CASK: variants seen among roughly 807,000 people sequenced by gnomAD.
The protein encoded by CASK is calcium/calmodulin dependent serine protein kinase, also known as peripheral plasma membrane protein CASK.
Under a neutral mutation model 82.9 loss-of-function variants are expected in CASK, and 4 were observed. The observed-to-expected ratio is 0.05, with a 90% confidence interval of 0.02 to 0.11. CASK has a LOEUF of 0.11. Among genes scored for constraint, CASK ranks in the 10% least tolerant of loss-of-function variants. The pLI is 1.00. For synonymous variants in CASK, 259 were observed against 253.5 expected, an observed-to-expected ratio of 1.02 and a Z score of -0.20; for missense variants, 358 against 720.9, an observed-to-expected ratio of 0.50 and a Z score of 5.76.
intron 13 of CASK, chrX:41,587,759 T>A (rs1337411550): frequency 8.9e-6 from 1 of 112,655 alleles, no homozygotes; most frequent in African/African-American, 3.2e-5. Context: ...GGATGGAGTT[T>A]ACCTGTGTAA....
At chrX:41,821,219 T>G (rs924867218) in intron 2 of CASK, among the ~76,000 whole-genome samples, 2 of 111,741 alleles carry the variant, frequency 1.8e-5, no homozygotes, top group African/African-American at 6.5e-5. Flanking sequence ...TACAAAGAAC[T>G]CCTACAACTT....
chrX:41,799,968 G>A (rs749906729), intron 2 of CASK, among the ~76,000 whole-genome samples: 44 of 108,341 alleles, frequency 4.1e-4, no homozygotes, highest in Non-Finnish European at 6.1e-4. Context: ...CCTATATAGA[G>A]CAAGCGGCAG....
At chrX:41,679,360 C>T (rs2067315965) in intron 5 of CASK, among the ~76,000 whole-genome samples, 1 of 111,559 alleles carries the variant, frequency 9.0e-6, no homozygotes, top group African/African-American at 3.3e-5. Context: ...TTGATAGACA[C>T]AAAACCGTAA....
chrX:41,880,397 C>G (rs2071926441), intron 1 of CASK, among the ~76,000 whole-genome samples: 1 of 111,361 alleles, frequency 9.0e-6, no homozygotes, highest in South Asian at 3.8e-4. Context: ...TCCAAAATAC[C>G]CAGAGACTTG....
At chrX:41,852,961 C>A in intron 2 of CASK, 154 bp downstream of exon 2, 1 of 462,526 alleles carries the variant, frequency 2.2e-6, no homozygotes, top group East Asian at 3.7e-5. Context: ...AGAATTCTGA[C>A]AAACTAGAAT....
Position 41,740,044 on chromosome X carries a change from C to G in CASK, c.357-588G>C, listed in dbSNP as rs1168407969. The stretch of plus-strand genomic sequence containing the variant: ...GCACATGTCCTAGAAAGCCTGACTC[C>G]TTACATGGCCAGCTGAGGAGCCCTC... On this transcript the variant is annotated intron_variant, in intron 4 of 26. Transcript: ENST00000378163. Among the ~76,000 whole-genome samples, 2 of 112,159 alleles carry G rather than the reference C, an allele frequency of 1.8e-5. 1 individual carries two copies. Among genetic ancestry groups the G allele is most frequent in the Non-Finnish European group, 3.8e-5 (2 of 53,250 alleles).
intron 1 of CASK, among the ~76,000 whole-genome samples, chrX:41,909,294 T>C (rs775296244): frequency 6.2e-5 from 7 of 112,295 alleles, no homozygotes; most frequent in South Asian, 7.4e-4. Context: ...TGCCATCTGA[T>C]TGGCCACAAA....
At chrX:41,822,574 A>AAAAAAAAAG (rs1569459803) in intron 2 of CASK, among the ~76,000 whole-genome samples, 2 of 103,530 alleles carry the variant, frequency 1.9e-5, no homozygotes, top group Non-Finnish European at 2.0e-5. Flanking sequence ...AAAAAAAAAA[A>AAAAAAAAAG]AAAAAAAAGA....
chrX:41,799,867 G>T (rs760515155), intron 2 of CASK, among the ~76,000 whole-genome samples: 34 of 105,988 alleles, frequency 3.2e-4, no homozygotes, highest in African/African-American at 1.0e-3. Flanking sequence ...GGGCAGATCC[G>T]CCCCTTGAGA....
intron 5 of CASK, among the ~76,000 whole-genome samples, chrX:41,735,140 G>C (rs924356592): frequency 1.8e-5 from 2 of 111,294 alleles, no homozygotes; most frequent in Non-Finnish European, 3.8e-5. Flanking sequence ...GAGAGAATGA[G>C]AATATTCTTG....
intron 5 of CASK, among the ~76,000 whole-genome samples, 187 bp downstream of exon 5, chrX:41,739,197 G>A (rs887906369): frequency 2.7e-5 from 3 of 111,744 alleles, no homozygotes; most frequent in Non-Finnish European, 5.6e-5. Context: ...TAAATAAATT[G>A]AAATTATAGT....
rs765356088 is a variant in CASK at position 41,830,744 on chromosome X, C to T, written c.172+22371G>A. ...CTGAGGCAGGAGTATGGCGTGAACC[C>T]AGGAGGCGGAGCTTGCAGTGAGCCG... On this transcript the variant is annotated intron_variant, in intron 2 of 26. Transcript: ENST00000378163. Among the ~76,000 whole-genome samples, 112 of 101,312 alleles carry T rather than the reference C, an allele frequency of 1.1e-3. 1 individual carries two copies. Among genetic ancestry groups the T allele is most frequent in the African/African-American group, 3.9e-3 (108 of 27,445 alleles). The allele number at this position is 101,312 out of a possible 115,157, so 88.0% of individuals were successfully genotyped here.
At chrX:41,862,543 A>G (rs1002022324) in intron 1 of CASK, among the ~76,000 whole-genome samples, 3 of 63,819 alleles carry the variant, frequency 4.7e-5, no homozygotes, top group Non-Finnish European at 1.1e-4. Flanking sequence ...TCTGTCTCAG[A>G]AAAAAAAAAA....
intron 9 of CASK, among the ~76,000 whole-genome samples, chrX:41,631,787 A>T (rs938167994): frequency 5.4e-5 from 6 of 111,609 alleles, no homozygotes; most frequent in African/African-American, 2.0e-4. Context: ...TGTATTTCTT[A>T]AAAAAAATCA....
intron 1 of CASK, among the ~76,000 whole-genome samples, chrX:41,869,456 A>G (rs1207629833): frequency 9.0e-6 from 1 of 111,370 alleles, no homozygotes; most frequent in Admixed American, 9.5e-5. Flanking sequence ...TGCTCTCAAG[A>G]AAAGATACCG....
At chrX:41,637,010 G>A (rs2066566585) in intron 8 of CASK, among the ~76,000 whole-genome samples, 2 of 110,298 alleles carry the variant, frequency 1.8e-5, no homozygotes, top group African/African-American at 3.3e-5. Context: ...CCAGGTTGGC[G>A]TGCAGTGGCA....
At chrX:41,616,159 C>T (rs1379646534) in intron 11 of CASK, among the ~76,000 whole-genome samples, 2 of 111,572 alleles carry the variant, frequency 1.8e-5, no homozygotes, top group African/African-American at 6.5e-5. Context: ...TACTTATGTG[C>T]GTGCTTGTTC....
intron 5 of CASK, chrX:41,697,847 G>C (rs1237402837): frequency 3.7e-5 from 4 of 109,236 alleles, no homozygotes; most frequent in African/African-American, 1.3e-4. Context: ...TATTGCCCAG[G>C]CTGGAGTGCA....
intron 21 of CASK, among the ~76,000 whole-genome samples, chrX:41,545,199 T>C: frequency 9.0e-6 from 1 of 111,494 alleles, no homozygotes; most frequent in Middle Eastern, 4.6e-3. Flanking sequence ...CTAATTTTTG[T>C]ATTTTTTTAG....
Sources: gnomAD v4.1 joint callset for allele counts (sites outside exome capture counted in the v4.1 genomes callset) on GRCh38, gnomAD v4.1.1 for gene constraint, MANE v1.5 for transcripts, NCBI Gene and HGNC (gene_info 2026-07-23, HGNC 2026-07-21) for gene names.